The following RAD51B variants were observed in gnomAD, a reference collection of about 807,000 sequenced individuals.
RAD51B encodes the protein RAD51 paralog B, also known as DNA repair protein RAD51 homolog 2.
A neutral mutation model predicts 42.2 loss-of-function variants in RAD51B; 38 were observed. The observed-to-expected ratio is 0.90, with a 90% CI of 0.70 to 1.18. RAD51B has a LOEUF of 1.18. RAD51B is among the 50% of genes most tolerant of loss of function. RAD51B has a pLI of 0.00. For synonymous variants in RAD51B, 154 were observed against 145.2 expected, an observed-to-expected ratio of 1.06 and a Z score of -0.43; for missense variants, 373 against 400.7, an observed-to-expected ratio of 0.93 and a Z score of 0.59.
At chr14:67,980,018 C>T (rs2075062022) in intron 7 of RAD51B, among the ~76,000 whole-genome samples, 1 of 152,014 alleles carries the variant, frequency 6.6e-6, no homozygotes, top group South Asian at 2.1e-4. Context: ...AGGTTTATTG[C>T]TTAGCTTTTA....
chr14:68,186,770 T>TA (rs2079166749), intron 7 of RAD51B, among the ~76,000 whole-genome samples: 1 of 152,188 alleles, frequency 6.6e-6, no homozygotes, highest in African/African-American at 2.4e-5. Flanking sequence ...GGTGGGAATG[T>TA]AAATTATTTC....
chr14:67,823,467 T>C, intron 1 of RAD51B, 75 bp from the exon 2 acceptor site: 1 of 1,223,256 alleles, frequency 8.2e-7, no homozygotes. Context: ...TTGTTTTGGA[T>C]AGCCTATTCA....
chr14:68,516,983 A>G (rs907416459), intron 10 of RAD51B, among the ~76,000 whole-genome samples: 3 of 152,226 alleles, frequency 2.0e-5, no homozygotes, highest in African/African-American at 7.2e-5. Context: ...GTCTTTCTTG[A>G]AGTGATGAGC....
At chr14:68,225,358 T>C (rs1205274803) in intron 7 of RAD51B, among the ~76,000 whole-genome samples, 1 of 152,190 alleles carries the variant, frequency 6.6e-6, no homozygotes, top group Non-Finnish European at 1.5e-5. Context: ...CTTACTTGCT[T>C]GGAGGAGAAA....
At position 68,400,667 on chromosome 14, in the gene RAD51B, G is replaced by GA. The variant is rs201816461; in HGVS notation, c.854-10749dup. Among the ~76,000 whole-genome samples, 1,391 of 151,836 alleles carry GA rather than the reference G, an allele frequency of 9.2e-3. 74 individuals are homozygous for GA. The highest frequency in any genetic ancestry group is 0.083 in the Admixed American group (1,263 of 15,264). On this transcript the variant is annotated intron_variant, in intron 8 of 10. Transcript: ENST00000471583. The stretch of plus-strand genomic sequence containing the variant: ...TGAACAGATAGAACACACTGTGGGG[G>GA]AAAAAAAACATATTTTATGCAAGCA...
At chr14:68,525,719 C>T (rs1313610881) in intron 10 of RAD51B, among the ~76,000 whole-genome samples, 3 of 152,192 alleles carry the variant, frequency 2.0e-5, no homozygotes, top group Non-Finnish European at 4.4e-5. Context: ...CACCCACACT[C>T]GCCCCAAATG....
intron 7 of RAD51B, among the ~76,000 whole-genome samples, chr14:67,956,141 A>G (rs1166025162): frequency 1.3e-5 from 2 of 152,222 alleles, no homozygotes; most frequent in Non-Finnish European, 1.5e-5. Flanking sequence ...CAGAGACACC[A>G]GATTCTTTAA....
chr14:68,356,422 G>A (rs1186375792), intron 8 of RAD51B, among the ~76,000 whole-genome samples: 6 of 125,282 alleles, frequency 4.8e-5, no homozygotes, highest in East Asian at 2.2e-4. Flanking sequence ...GCGACAGAGC[G>A]AGACTCCGTC....
chr14:68,552,940 AT>A lies in RAD51B; in HGVS notation c.1037-41544del, dbSNP rs150238090. Among the ~76,000 whole-genome samples the A allele has an allele frequency of 7.1e-3, 1,081 of 152,392 alleles. 10 individuals are homozygous for A. Among genetic ancestry groups the A allele is most frequent in the African/African-American group, 0.025 (1,052 of 41,600 alleles). On this transcript the variant is annotated intron_variant, in intron 10 of 10. Coordinates refer to the RAD51B transcript ENST00000487270. Reference sequence around the variant, plus strand: ...AATATTTTTGCTTGTTGTTCTAATTATAAAAATACTATGTGCTTATAGTAGA... The same window carrying A: ...AATATTTTTGCTTGTTGTTCTAATTAAAAAATACTATGTGCTTATAGTAGA...
At chr14:68,464,524 A>T (rs1273430055) in intron 9 of RAD51B, among the ~76,000 whole-genome samples, 1 of 152,222 alleles carries the variant, frequency 6.6e-6, no homozygotes, top group East Asian at 1.9e-4. Context: ...AATTGAATAC[A>T]TCAGCAATCT....
At chr14:68,060,390 C>T (rs1456645874) in intron 7 of RAD51B, among the ~76,000 whole-genome samples, 2 of 152,206 alleles carry the variant, frequency 1.3e-5, no homozygotes, top group Non-Finnish European at 2.9e-5. Flanking sequence ...ATGTGAGCCT[C>T]TCTCTTGCTT....
intron 7 of RAD51B, among the ~76,000 whole-genome samples, chr14:68,064,097 A>G (rs940989165): frequency 2.0e-5 from 3 of 152,202 alleles, no homozygotes; most frequent in East Asian, 1.9e-4. Flanking sequence ...TCTTTTGCTT[A>G]CAGATGTAGG....
At chr14:68,389,168 G>A (rs1009526403) in intron 8 of RAD51B, among the ~76,000 whole-genome samples, 2 of 152,148 alleles carry the variant, frequency 1.3e-5, no homozygotes, top group South Asian at 2.1e-4. Flanking sequence ...ACATCGTAGT[G>A]TATAGCTCCA....
At chr14:68,574,771 A>G (rs960611240) in intron 10 of RAD51B, among the ~76,000 whole-genome samples, 1 of 152,212 alleles carries the variant, frequency 6.6e-6, no homozygotes, top group Non-Finnish European at 1.5e-5. Context: ...TTATTTTTTC[A>G]TGGCTGGCAG....
chr14:67,879,555 G>A (rs1234825543), intron 5 of RAD51B, among the ~76,000 whole-genome samples: 1 of 151,938 alleles, frequency 6.6e-6, no homozygotes, highest in Non-Finnish European at 1.5e-5. Flanking sequence ...AGAGCCTCCT[G>A]CCTCAGCCTC....
At chr14:67,968,775 T>C (rs747417710) in intron 7 of RAD51B, among the ~76,000 whole-genome samples, 1 of 152,192 alleles carries the variant, frequency 6.6e-6, no homozygotes, top group African/African-American at 2.4e-5. Flanking sequence ...CCCTTCAAAC[T>C]GTTCCAACCT....
chr14:67,857,972 G>C (rs1454497268), intron 4 of RAD51B: 1 of 152,538 alleles, frequency 6.6e-6, no homozygotes, highest in African/African-American at 2.4e-5. Flanking sequence ...GCCAGACCAG[G>C]CATGAGCTAG....
At chr14:68,652,042 T>C (rs999392615) in intron 11 of RAD51B, among the ~76,000 whole-genome samples, 1 of 152,174 alleles carries the variant, frequency 6.6e-6, no homozygotes, top group African/African-American at 2.4e-5. Flanking sequence ...CCTGATGGCC[T>C]GCACTGCTCA....
At chr14:68,122,501 A>C (rs2077670287) in intron 7 of RAD51B, among the ~76,000 whole-genome samples, 1 of 152,212 alleles carries the variant, frequency 6.6e-6, no homozygotes, top group South Asian at 2.1e-4. Flanking sequence ...AATGGAAAAC[A>C]TGATATATCA....
Sources: gnomAD v4.1 joint callset for allele counts (sites outside exome capture counted in the v4.1 genomes callset) on GRCh38, gnomAD v4.1.1 for gene constraint, MANE v1.5 for transcripts, NCBI Gene and HGNC (gene_info 2026-07-23, HGNC 2026-07-21) for gene names.